C1orf141: variants seen among roughly 807,000 people sequenced by gnomAD.
The protein encoded by C1orf141 is chromosome 1 open reading frame 141, also known as uncharacterized protein C1orf141.
A neutral mutation model predicts 23.2 loss-of-function variants in C1orf141; 19 were observed. The ratio of observed to expected loss-of-function variants is 0.82; its 90% CI spans 0.57 to 1.20. C1orf141 has a LOEUF of 1.20. Ranked by LOEUF, C1orf141 falls within the 50% of genes most tolerant of loss-of-function variation. C1orf141 has a pLI of 0.00. For synonymous variants in C1orf141, 153 were observed against 154.6 expected (o/e 0.99, Z 0.08); for missense variants, 469 against 455.1 (o/e 1.03, Z -0.28).
chr1:67,097,390 T>G (rs1645706244), intron 5 of C1orf141, among the ~76,000 whole-genome samples: 2 of 152,026 alleles, frequency 1.3e-5, no homozygotes, highest in South Asian at 4.2e-4. Flanking sequence ...GATATTTGAG[T>G]TGAAATCTGA....
At chr1:67,109,349 AAAAAAAAG>A (rs1646015224) in intron 5 of C1orf141, among the ~76,000 whole-genome samples, 1 of 145,978 alleles carries the variant, frequency 6.9e-6, no homozygotes, top group Non-Finnish European at 1.5e-5. Flanking sequence ...AAAAAAAAAA[AAAAAAAAG>A]GAATAAGGAG....
intron 5 of C1orf141, among the ~76,000 whole-genome samples, chr1:67,107,459 A>T (rs751758017): frequency 6.6e-6 from 1 of 152,210 alleles, no homozygotes; most frequent in Non-Finnish European, 1.5e-5. Flanking sequence ...TAGATTTTTT[A>T]AAAAGCAAGA....
At chr1:67,096,985 C>T (rs1313402949) in intron 5 of C1orf141, among the ~76,000 whole-genome samples, 1 of 152,162 alleles carries the variant, frequency 6.6e-6, no homozygotes, top group Non-Finnish European at 1.5e-5. Flanking sequence ...TATTTCAGCA[C>T]ACCTATAACC....
rs200681448 is a variant in C1orf141 at position 67,093,451 on chromosome 1, T to C, written c.757A>G (p.Ile253Val). 5.0e-6 allele frequency: 8 copies of C among 1,610,988 alleles called. No individual in the cohort carries two copies. In the African/African-American group the frequency reaches 9.3e-5, roughly 19 times the overall value. Residue 253 changes from isoleucine to valine, a missense_variant, in exon 8 of 8, where the codon ATC (isoleucine) becomes GTC (valine). Physicochemically the swap from Ile to Val is conservative, Grantham distance 29. This residue lies in a region of C1orf141 where 370 missense variants were observed against 348.1 expected (regional missense o/e 1.06). Coordinates refer to ENST00000684719, the MANE Select transcript of C1orf141 (RefSeq NM_001276351.2). ...TGATTGCCAATTATAGATTTGAGGA[T>C]TTCACAATTTCTTTCTAAAATGAAA... ...TNFILERNCEILKSIIGNQSI... is the reference protein window; with the variant it reads ...TNFILERNCEVLKSIIGNQSI...
intron 5 of C1orf141, among the ~76,000 whole-genome samples, chr1:67,100,103 ATG>A (rs2102423470): frequency 6.6e-6 from 1 of 152,298 alleles, no homozygotes; most frequent in Admixed American, 6.5e-5. Flanking sequence ...TGATAAATAT[ATG>A]CACTCATGTA....
At chr1:67,135,905 G>GAAAAAAA (rs1646580821), upstream of C1orf141, among the ~76,000 whole-genome samples, 1 of 4,052 alleles carries the variant, frequency 2.5e-4, no homozygotes, top group Non-Finnish European at 4.7e-4. Context: ...TGGCAAAACT[G>GAAAAAAA]CAAAAAAAAA....
At position 67,093,057 on chromosome 1, in the gene C1orf141, G is replaced by A. The variant is rs772814132; in HGVS notation, c.1151C>T (p.Thr384Met). Residue 384 changes from threonine (T) to methionine (M), a missense_variant, in exon 8 of 8, where the codon ACG (threonine) becomes ATG (methionine). Transcript: ENST00000684719. ...TAAGTTTAACAAATTATCCAGTGGC[G>A]TTACATTATTTAGTTCATATATATA... Reference protein sequence around the residue: ...FKYIYELNNVTPLDNLLNLSN... With the variant: ...FKYIYELNNVMPLDNLLNLSN... 2.3e-5 allele frequency: 37 copies of A among 1,598,794 alleles called. No homozygotes were observed. Among genetic ancestry groups the A allele is most frequent in the Middle Eastern group, 1.7e-4 (1 of 6,022 alleles).
chr1:67,111,372 T>G (rs190440286), intron 5 of C1orf141, among the ~76,000 whole-genome samples: 2 of 152,278 alleles, frequency 1.3e-5, no homozygotes, highest in Admixed American at 6.5e-5. Context: ...TGTATTGAAA[T>G]ATCTCCAACA....
chr1:67,096,994 C>A (rs1454146061), intron 5 of C1orf141, among the ~76,000 whole-genome samples: 2 of 152,258 alleles, frequency 1.3e-5, no homozygotes, highest in Non-Finnish European at 2.9e-5. Flanking sequence ...ACACCTATAA[C>A]CCCCTCCAAG....
chr1:67,111,609 TA>T, intron 5 of C1orf141: 2 of 1,384,610 alleles, frequency 1.4e-6, no homozygotes, highest in Admixed American at 2.6e-5. Flanking sequence ...AGATAGGGTC[TA>T]ATAGATCTTG....
Position 67,125,760 on chromosome 1 carries a change from T to C in C1orf141, c.225A>G (p.Lys75=). The change falls in exon 4 of 8, where the codon AAA becomes AAG. Residue 75 remains lysine (K), a synonymous_variant. Coordinates refer to ENST00000684719, the MANE Select transcript of C1orf141 (RefSeq NM_001276351.2). ...GTGGTTATGATAGTTACATTTTTGATTTTGTAATGCTGCATGACTTGTCTT... is the reference window on the plus strand; with the variant it reads ...GTGGTTATGATAGTTACATTTTTGACTTTGTAATGCTGCATGACTTGTCTT... ...IKEDKSCSIT[K]SKMHVSFKCE... is the part of the protein sequence containing the mutation. The C allele has an allele frequency of 6.2e-7, 1 of 1,613,832 alleles. No homozygotes were observed. The highest frequency in any genetic ancestry group is 1.1e-5 in the South Asian group (1 of 91,076).
At chr1:67,136,669 A>G (rs1488828592), upstream of C1orf141, among the ~76,000 whole-genome samples, 1 of 152,170 alleles carries the variant, frequency 6.6e-6, no homozygotes, top group African/African-American at 2.4e-5. Flanking sequence ...AATAGTTCTA[A>G]TTTCATCCTT....
At position 67,126,038 on chromosome 1, in the gene C1orf141, TA is replaced by T; in HGVS notation, c.76-130del. 7 of 1,044,162 alleles carry T rather than the reference TA, an allele frequency of 6.7e-6. No individual in the cohort carries two copies. In the South Asian group the frequency reaches 1.0e-4, roughly 16 times the overall value. 64.7% of individuals were successfully genotyped at this position (1,044,162 alleles called of 1,614,324 possible). ...CACACAGAATTTAGGTGGCAGGCAATAATGGAAAAATAGTACAGACTGAAAA... is the reference window on the plus strand; with the variant it reads ...CACACAGAATTTAGGTGGCAGGCAATATGGAAAAATAGTACAGACTGAAAA... On this transcript the variant is annotated intron_variant, in intron 3 of 7. Transcript: ENST00000684719.
At chr1:67,113,508 G>A (rs945464690) in intron 5 of C1orf141, 6 of 226,598 alleles carry the variant, frequency 2.6e-5, no homozygotes, top group Non-Finnish European at 5.2e-5. Context: ...TGGGATGACA[G>A]GTGTGTACTA....
intron 5 of C1orf141, among the ~76,000 whole-genome samples, chr1:67,105,567 C>T (rs1485356120): frequency 6.6e-6 from 1 of 151,942 alleles, no homozygotes; most frequent in East Asian, 1.9e-4. Context: ...AATCCTCTAT[C>T]AGACCTACCC....
Position 67,095,343 on chromosome 1 carries a change from C to A in C1orf141, c.495G>T (p.Arg165Ser), listed in dbSNP as rs770377918. Residue 165 changes from arginine (R) to serine (S), a missense_variant, in exon 7 of 8, where the codon AGG (arginine) becomes AGT (serine). By Grantham distance (110) the Arg-to-Ser change is moderately radical (BLOSUM62 -1). This residue lies in a region of C1orf141 where 370 missense variants were observed against 348.1 expected (regional missense o/e 1.06). Coordinates refer to ENST00000684719, the MANE Select transcript of C1orf141 (RefSeq NM_001276351.2). Reference protein sequence around the residue: ...SVRNYQLSKYRSVRKKSLLPL... With the variant: ...SVRNYQLSKYSSVRKKSLLPL... ...GGAGCAAGCTTTTCTTTCTTACTGACCTATACTTACTTAATTGATAATTTC... is the reference window on the plus strand; with the variant it reads ...GGAGCAAGCTTTTCTTTCTTACTGAACTATACTTACTTAATTGATAATTTC... 1 of 1,583,146 alleles carries A rather than the reference C, an allele frequency of 6.3e-7. No homozygotes were observed. The highest frequency in any genetic ancestry group is 8.6e-7 in the Non-Finnish European group (1 of 1,156,178).
chr1:67,124,796 T>C (rs765202350), intron 4 of C1orf141, among the ~76,000 whole-genome samples: 1 of 152,184 alleles, frequency 6.6e-6, no homozygotes, highest in Non-Finnish European at 1.5e-5. Flanking sequence ...CCCTATTCAA[T>C]AGGATGACTG....
chr1:67,134,789 A>C (rs901091344), intron 1 of C1orf141, 141 bp downstream of exon 1: 2 of 152,390 alleles, frequency 1.3e-5, no homozygotes, highest in African/African-American at 4.8e-5. Flanking sequence ...CTCCCGGTCC[A>C]GGCCCCGCTG....
chr1:67,114,867 G>A (rs1001876507), intron 5 of C1orf141, among the ~76,000 whole-genome samples: 4 of 152,176 alleles, frequency 2.6e-5, no homozygotes, highest in African/African-American at 9.7e-5. Context: ...ATAGAGACGG[G>A]GTTTCGCCAT....
Sources: gnomAD v4.1 joint callset for allele counts (sites outside exome capture counted in the v4.1 genomes callset) on GRCh38, gnomAD v4.1.1 for gene constraint, gnomAD v4.1.1 regional missense constraint, MANE v1.5 for transcripts, NCBI Gene and HGNC (gene_info 2026-07-23, HGNC 2026-07-21) for gene names.